Variants in PABPC4L observed in about 807,000 individuals in gnomAD.
PABPC4L encodes poly(A) binding protein cytoplasmic 4 like.
For missense variants in PABPC4L, 452 were observed against 451.4 expected (o/e 1.00, Z -0.01); for synonymous variants, 169 against 164.1 (o/e 1.03, Z -0.23).
At chr4:133,988,424 A>G in the PABPC4L span, among the ~76,000 whole-genome samples, 1 of 152,328 alleles carries the variant, frequency 6.6e-6, no homozygotes, top group Admixed American at 6.5e-5. Flanking sequence ...AATTGGAGAA[A>G]TTCACCAAAA....
the PABPC4L span, among the ~76,000 whole-genome samples, chr4:134,186,202 G>C: frequency 6.6e-6 from 1 of 151,870 alleles, no homozygotes. Context: ...AGTTCATATG[G>C]AACCAAAAAA....
chr4:134,156,734 CTG>C, the PABPC4L span, among the ~76,000 whole-genome samples: 1 of 151,668 alleles, frequency 6.6e-6, no homozygotes, highest in Non-Finnish European at 1.5e-5. Context: ...TATAGTCTAA[CTG>C]TGACCATATT....
the PABPC4L span, among the ~76,000 whole-genome samples, chr4:134,018,486 A>T: frequency 2.0e-5 from 3 of 152,154 alleles, no homozygotes; most frequent in Non-Finnish European, 2.9e-5. Context: ...CCCAACAGGT[A>T]CTTTTTCAAT....
chr4:134,005,154 G>T, the PABPC4L span, among the ~76,000 whole-genome samples: 3 of 151,830 alleles, frequency 2.0e-5, no homozygotes, highest in African/African-American at 7.2e-5. Flanking sequence ...ATGTTAATTA[G>T]CTGGATTTGA....
At chr4:134,035,617 AT>A in the PABPC4L span, among the ~76,000 whole-genome samples, 1 of 152,062 alleles carries the variant, frequency 6.6e-6, no homozygotes, top group African/African-American at 2.4e-5. Flanking sequence ...GTTCTTAGTC[AT>A]TTGTATCAAT....
the PABPC4L span, among the ~76,000 whole-genome samples, chr4:134,033,451 A>G: frequency 4.6e-5 from 7 of 152,010 alleles, no homozygotes; most frequent in African/African-American, 1.7e-4. Context: ...CAAAAGCTAT[A>G]AATAATTAAG....
the PABPC4L span, among the ~76,000 whole-genome samples, chr4:134,155,198 C>T: frequency 6.6e-6 from 1 of 151,918 alleles, no homozygotes; most frequent in Non-Finnish European, 1.5e-5. Context: ...ATTTGACGGG[C>T]CTGAAAGCTA....
the PABPC4L span, among the ~76,000 whole-genome samples, chr4:134,108,171 A>G: frequency 2.6e-5 from 4 of 151,730 alleles, no homozygotes; most frequent in East Asian, 7.7e-4. Flanking sequence ...ACATATGCAC[A>G]TGTACACATA....
chr4:134,074,103 G>A, the PABPC4L span, among the ~76,000 whole-genome samples: 947 of 152,276 alleles, frequency 6.2e-3, 6 homozygotes, highest in African/African-American at 0.021. Context: ...CCAGAAAATA[G>A]GGTTTTGTTT....
At chr4:134,013,152 T>A in the PABPC4L span, among the ~76,000 whole-genome samples, 1 of 151,954 alleles carries the variant, frequency 6.6e-6, no homozygotes, top group Admixed American at 6.6e-5. Context: ...TCCGCTTTTC[T>A]AGGGGAGGGG....
At chr4:134,157,182 A>T in the PABPC4L span, among the ~76,000 whole-genome samples, 1 of 150,992 alleles carries the variant, frequency 6.6e-6, no homozygotes, top group Non-Finnish European at 1.5e-5. Context: ...AACACTGTCC[A>T]TTTTAATACC....
chr4:134,047,810 G>GT, the PABPC4L span, among the ~76,000 whole-genome samples: 172 of 59,480 alleles, frequency 2.9e-3, 1 homozygote, highest in Non-Finnish European at 2.9e-3. Flanking sequence ...GCTGCACCAG[G>GT]GTTTTTTTTT....
the PABPC4L span, among the ~76,000 whole-genome samples, chr4:134,174,956 G>A: frequency 6.6e-6 from 1 of 152,024 alleles, no homozygotes; most frequent in African/African-American, 2.4e-5. Flanking sequence ...TGTCCTTTAA[G>A]TATGGTTTCA....
At chr4:134,008,223 C>T in the PABPC4L span, among the ~76,000 whole-genome samples, 1 of 151,556 alleles carries the variant, frequency 6.6e-6, no homozygotes, top group Non-Finnish European at 1.5e-5. Context: ...TGGCATAAAC[C>T]ATGTTTTCGA....
At chr4:134,006,544 A>T in the PABPC4L span, among the ~76,000 whole-genome samples, 1 of 151,840 alleles carries the variant, frequency 6.6e-6, no homozygotes, top group Admixed American at 6.6e-5. Flanking sequence ...TGCCTACAGG[A>T]ATTTCTTGCT....
At chr4:133,989,997 A>G in the PABPC4L span, among the ~76,000 whole-genome samples, 1 of 152,012 alleles carries the variant, frequency 6.6e-6, no homozygotes, top group Non-Finnish European at 1.5e-5. Flanking sequence ...CTCACTCACT[A>G]TTATGAGAAT....
chr4:134,086,720 CTT>C, the PABPC4L span, among the ~76,000 whole-genome samples: 4 of 115,642 alleles, frequency 3.5e-5, no homozygotes, highest in African/African-American at 3.1e-5. Context: ...GCTTGAAAGT[CTT>C]TTTTTTTTTT....
chr4:133,948,803 T>C, the PABPC4L span, among the ~76,000 whole-genome samples: 1 of 152,152 alleles, frequency 6.6e-6, no homozygotes, highest in African/African-American at 2.4e-5. Flanking sequence ...TTTGACCCAT[T>C]GAACCCAACA....
chr4:134,196,003 A>G (rs1205564001), downstream of PABPC4L, among the ~76,000 whole-genome samples: 1 of 151,384 alleles, frequency 6.6e-6, no homozygotes, highest in Non-Finnish European at 1.5e-5. Flanking sequence ...TTTTAAAATT[A>G]TATTATGGGG....
Sources: allele counts gnomAD v4.1 joint callset (sites outside exome capture counted in the v4.1 genomes callset), GRCh38; gene constraint gnomAD v4.1.1; transcripts MANE v1.5; gene names NCBI Gene and HGNC (gene_info 2026-07-23, HGNC 2026-07-21).